Variants in FNBP1 observed in about 807,000 individuals in gnomAD.
The protein encoded by FNBP1 is formin binding protein 1.
A neutral mutation model predicts 90.6 loss-of-function variants in FNBP1; 26 were observed. That is an observed-to-expected ratio of 0.29 (90% CI 0.21 to 0.40). FNBP1 has a LOEUF of 0.40. Among genes scored for constraint, FNBP1 ranks in the 10% least tolerant of loss-of-function variants. The pLI is 1.00. For missense variants in FNBP1, 635 were observed against 768.0 expected (o/e 0.83, Z 2.05); for synonymous variants, 260 against 265.2 (o/e 0.98, Z 0.19).
rs998648637 is a variant in FNBP1, at chr9:129,914,136, G to A, written c.1185+1830C>T. ...CTCCCAAAGTGCAGAGATTACAGGC[G>A]TGAGCCACCACACCTGGTCCCACAT... On this transcript the variant is annotated intron_variant, in intron 11 of 16. Coordinates refer to ENST00000446176, the MANE Select transcript of FNBP1 (RefSeq NM_015033.3). Among the ~76,000 whole-genome samples, 5 of 150,686 alleles carry A rather than the reference G, an allele frequency of 3.3e-5. 1 individual carries two copies. The highest frequency in any genetic ancestry group is 4.9e-5 in the African/African-American group (2 of 41,180).
intron 1 of FNBP1, among the ~76,000 whole-genome samples, chr9:130,029,410 A>T (rs1170098606): frequency 6.6e-6 from 1 of 152,178 alleles, no homozygotes; most frequent in Non-Finnish European, 1.5e-5. Context: ...CAGCATGCTC[A>T]GCCCTATAAT....
At chr9:129,921,455 G>A (rs781593752) in intron 10 of FNBP1, among the ~76,000 whole-genome samples, 12 of 151,280 alleles carry the variant, frequency 7.9e-5, no homozygotes, top group African/African-American at 2.2e-4. Context: ...GTGCAATAGC[G>A]TGATCTTGGC....
At chr9:129,960,383 C>CA (rs10715833) in intron 4 of FNBP1, among the ~76,000 whole-genome samples, 59 of 80,396 alleles carry the variant, frequency 7.3e-4, no homozygotes, top group African/African-American at 1.7e-3. Context: ...GACTCCATCT[C>CA]AAAAAAAAAA....
chr9:129,912,690 CAA>C (rs35355384), intron 11 of FNBP1, among the ~76,000 whole-genome samples: 5 of 108,256 alleles, frequency 4.6e-5, no homozygotes, highest in East Asian at 2.7e-4. Flanking sequence ...AACTCCATCT[CAA>C]AAAAAAAAAA....
chr9:129,986,051 G>T (rs2052167269), intron 2 of FNBP1, among the ~76,000 whole-genome samples: 1 of 149,432 alleles, frequency 6.7e-6, no homozygotes. Context: ...CAGGAGAATT[G>T]CTTGAACCCG....
chr9:129,901,158 C>T (rs970222625), intron 13 of FNBP1, among the ~76,000 whole-genome samples: 1 of 152,214 alleles, frequency 6.6e-6, no homozygotes, highest in Non-Finnish European at 1.5e-5. Context: ...GTAATCCCAG[C>T]ACTTTGGGAG....
At chr9:129,998,924 A>G (rs1389321787) in intron 1 of FNBP1, among the ~76,000 whole-genome samples, 1 of 152,204 alleles carries the variant, frequency 6.6e-6, no homozygotes, top group Non-Finnish European at 1.5e-5. Flanking sequence ...CTTAATAATA[A>G]AAACCTTACT....
chr9:129,909,275 T>C (rs2038773698), intron 11 of FNBP1, among the ~76,000 whole-genome samples: 1 of 152,218 alleles, frequency 6.6e-6, no homozygotes, highest in Non-Finnish European at 1.5e-5. Flanking sequence ...AAGAGATACT[T>C]CTGACTCTAG....
rs941017930 is a variant in FNBP1, at chr9:129,888,276, A to G, written c.*2263T>C. ...GACGCACATGCATTCCCGAGGCTCT[A>G]AAATCCCATTTTAAAGAACCGTTTC... On this transcript the variant is annotated 3_prime_UTR_variant, in exon 17 of 17. Transcript: ENST00000446176. The G allele has an allele frequency of 4.3e-6, 1 of 232,320 alleles. No homozygotes were observed. The highest frequency in any genetic ancestry group is 8.5e-6 in the Non-Finnish European group (1 of 117,476). The allele number at this position is 232,320 out of a possible 1,614,324, so 14.4% of individuals were successfully genotyped here. A position where few individuals can be genotyped will look rare whatever the true frequency, so the allele number is the denominator to read the frequency against.
chr9:130,040,308 G>T (rs936950892), intron 1 of FNBP1, among the ~76,000 whole-genome samples: 2 of 152,188 alleles, frequency 1.3e-5, no homozygotes, highest in Admixed American at 1.3e-4. Flanking sequence ...AAAGGCAAAT[G>T]CTGGTACTCA....
At position 129,889,082 on chromosome 9, in the gene FNBP1, G is replaced by GGC. The variant is rs200600167; in HGVS notation, c.*1456_*1457insGC. ...GGGCTGCTCTGCTCTAAGGCGTGGC[G>GGC]GGGGGGGGGGGTGGTGGCCACAGAT... On this transcript the variant is annotated 3_prime_UTR_variant, in exon 17 of 17. Transcript: ENST00000446176. 1,432 of 104,860 alleles carry GGC rather than the reference G, an allele frequency of 0.014. 48 individuals are homozygous for GGC. The highest frequency in any genetic ancestry group is 0.051 in the African/African-American group (431 of 8,528). The allele number at this position is 104,860 out of a possible 1,614,324, so 6.5% of individuals were successfully genotyped here.
intron 4 of FNBP1, 117 bp from the exon 5 acceptor site, chr9:129,958,670 T>G: frequency 1.3e-6 from 1 of 791,528 alleles, no homozygotes; most frequent in South Asian, 1.7e-5. Context: ...GTATGTATGC[T>G]CCAAAGAAAT....
chr9:129,907,979 G>A (rs1007383566), intron 12 of FNBP1, among the ~76,000 whole-genome samples: 3 of 151,782 alleles, frequency 2.0e-5, no homozygotes, highest in Admixed American at 1.3e-4. Context: ...TGCCCGCCTC[G>A]GCCTCCCAAA....
At chr9:129,967,094 G>A (rs796337573) in intron 4 of FNBP1, among the ~76,000 whole-genome samples, 24 of 152,348 alleles carry the variant, frequency 1.6e-4, no homozygotes, top group African/African-American at 5.5e-4. Context: ...TAAGAGAAAA[G>A]AGAAAAGCTC....
chr9:129,975,902 TA>T (rs34630525), intron 4 of FNBP1, among the ~76,000 whole-genome samples: 7 of 73,902 alleles, frequency 9.5e-5, no homozygotes, highest in East Asian at 4.2e-4. Flanking sequence ...GACTCCATCT[TA>T]AAAAAAAAAA....
At chr9:130,005,466 C>T (rs1226901779) in intron 1 of FNBP1, among the ~76,000 whole-genome samples, 1 of 151,576 alleles carries the variant, frequency 6.6e-6, no homozygotes, top group East Asian at 2.0e-4. Flanking sequence ...CTCAGCCTCC[C>T]GAGTAGCTGG....
chr9:129,965,708 G>GCACACACACA (rs5900877), intron 4 of FNBP1, among the ~76,000 whole-genome samples: 11 of 145,560 alleles, frequency 7.6e-5, no homozygotes, highest in South Asian at 6.6e-4. Flanking sequence ...GCGCGCGCGC[G>GCACACACACA]CACACACACA....
intron 15 of FNBP1, among the ~76,000 whole-genome samples, chr9:129,897,659 G>C (rs974875670): frequency 1.3e-5 from 2 of 151,938 alleles, no homozygotes; most frequent in African/African-American, 4.8e-5. Flanking sequence ...GCAGTGGTAC[G>C]ATCATAGCTC....
intron 11 of FNBP1, among the ~76,000 whole-genome samples, chr9:129,912,690 CAAAAAAA>C (rs35355384): frequency 4.6e-5 from 5 of 108,264 alleles, no homozygotes; most frequent in Non-Finnish European, 7.1e-5. Context: ...AACTCCATCT[CAAAAAAA>C]AAAAAAAAAA....
Sources: allele counts gnomAD v4.1 joint callset (sites outside exome capture counted in the v4.1 genomes callset), GRCh38; gene constraint gnomAD v4.1.1; transcripts MANE v1.5; gene names NCBI Gene and HGNC (gene_info 2026-07-23, HGNC 2026-07-21).